SOD2: variants seen among roughly 807,000 people sequenced by gnomAD.
The protein encoded by SOD2 is superoxide dismutase [Mn], mitochondrial.
In SOD2, 11 loss-of-function variants were observed where a neutral mutation model predicts 27.0. The ratio of observed to expected loss-of-function variants is 0.41; its 90% CI spans 0.26 to 0.67. The LOEUF (loss-of-function observed/expected upper bound fraction) is 0.67. Among genes scored for constraint, SOD2 ranks in the 30% least tolerant of loss-of-function variants. SOD2 has a pLI of 0.34. For missense variants in SOD2, 250 were observed against 274.5 expected (o/e 0.91, Z 0.63); for synonymous variants, 105 against 103.0 (o/e 1.02, Z -0.12).
At position 159,708,352 on chromosome 6, in the gene SOD2, T is replaced by C. The variant is rs546647314; in HGVS notation, c.-115-15489A>G. 1.1e-4 allele frequency among the ~76,000 whole-genome samples: 16 copies of C among 152,336 alleles called. No individual in the cohort carries two copies. In the South Asian group the frequency reaches 2.9e-3, roughly 28 times the overall value. Reference sequence around the variant, plus strand: ...TTGTCCCTGTTTGCAGATGACACGATTGTGTATCTAGAAAACCCCATCATC... The same window carrying C: ...TTGTCCCTGTTTGCAGATGACACGACTGTGTATCTAGAAAACCCCATCATC... On this transcript the variant is annotated intron_variant, in intron 1 of 2. Coordinates refer to the SOD2 transcript ENST00000401980.
chr6:159,737,449 A>G (rs1043037860), intron 1 of SOD2, among the ~76,000 whole-genome samples: 2 of 152,146 alleles, frequency 1.3e-5, no homozygotes, highest in African/African-American at 4.8e-5. Context: ...AAGGAAAAAA[A>G]TTTAAGTGTC....
intron 1 of SOD2, among the ~76,000 whole-genome samples, chr6:159,758,665 G>A (rs1296298567): frequency 6.6e-6 from 1 of 152,106 alleles, no homozygotes; most frequent in Non-Finnish European, 1.5e-5. Flanking sequence ...CCCATCATGG[G>A]GTGGCTGTGC....
intron 1 of SOD2, among the ~76,000 whole-genome samples, chr6:159,698,774 G>C (rs1422186127): frequency 2.0e-5 from 3 of 151,676 alleles, no homozygotes; most frequent in Non-Finnish European, 4.4e-5. Context: ...TGAATATTGT[G>C]TTCTTAAAGT....
intron 1 of SOD2, among the ~76,000 whole-genome samples, chr6:159,704,725 C>T (rs945209761): frequency 6.6e-6 from 1 of 152,230 alleles, no homozygotes; most frequent in Admixed American, 6.5e-5. Context: ...CAAAAGGCAG[C>T]AGAAACCTCT....
At position 159,761,971 on chromosome 6, in the gene SOD2, TG is replaced by T. The variant is rs752271691; in HGVS notation, c.-1271del. 4.1e-5 allele frequency: 49 copies of T among 1,183,558 alleles called. No individual in the cohort carries two copies. In the African/African-American group the frequency reaches 6.1e-4, roughly 15 times the overall value. 73.3% of individuals were successfully genotyped at this position (1,183,558 alleles called of 1,614,324 possible). ...CGCGGGGAGGTGGTGCGCGGGGAGG[TG>T]GAGGGCGAGGGGCGGGGCTACCTCA... On this transcript the variant is annotated 5_prime_UTR_variant, in exon 1 of 8. Coordinates refer to the SOD2 transcript ENST00000546087.
At chr6:159,758,697 C>T (rs1453805989) in intron 1 of SOD2, among the ~76,000 whole-genome samples, 1 of 152,102 alleles carries the variant, frequency 6.6e-6, no homozygotes, top group African/African-American at 2.4e-5. Flanking sequence ...TGAGCTAGCC[C>T]CTAGTGGTAA....
intron 1 of SOD2, chr6:159,738,941 TTG>T (rs1204724112): frequency 2.8e-6 from 4 of 1,434,646 alleles, no homozygotes; most frequent in South Asian, 1.2e-5. Context: ...TTATAGAACT[TTG>T]TGTCTTCAGG....
At chr6:159,727,147 G>A (rs1027091075) in exon 1 of SOD2, 4 of 1,195,338 alleles carry the variant, frequency 3.3e-6, no homozygotes, top group East Asian at 6.0e-5. Context: ...CTGAGCTCCG[G>A]GGCCCGCGGA....
upstream of SOD2, among the ~76,000 whole-genome samples, chr6:159,747,441 GC>G (rs1370145198): frequency 6.6e-6 from 1 of 152,086 alleles, no homozygotes; most frequent in Non-Finnish European, 1.5e-5. Context: ...TTACTTTCCA[GC>G]TTTACAATTC....
chr6:159,688,105 G>C lies in SOD2; in HGVS notation c.343+21C>G, dbSNP rs185363292. ...CTACTGTGCACAAAATGTAGATAAG[G>C]GTGCACCAATATATACCAACCTTTG... On this transcript the variant is annotated intron_variant, in intron 3 of 4. Transcript: ENST00000538183. The C allele has an allele frequency of 2.7e-3, 3,274 of 1,225,540 alleles. 9 individuals are homozygous for C. Among genetic ancestry groups the C allele is most frequent in the Non-Finnish European group, 3.5e-3 (2,877 of 826,014 alleles). The allele number at this position is 1,225,540 out of a possible 1,614,324, so 75.9% of individuals were successfully genotyped here.
chr6:159,753,610 G>A, intron 1 of SOD2: 1 of 1,605,130 alleles, frequency 6.2e-7, no homozygotes, highest in African/African-American at 1.3e-5. Context: ...AAAGCAGTCA[G>A]GATGGTAAGG....
Position 159,742,139 on chromosome 6 carries a change from T to C in SOD2, c.-116+2991A>G, listed in dbSNP as rs747819552. ...AAGCTTTGGAGGGCAAGTACACAGA[T>C]CTTAACTGTAAGTTTGAGTTTTAGC... On this transcript the variant is annotated intron_variant, in intron 1 of 3. Transcript: ENST00000537657. 6.2e-6 allele frequency: 10 copies of C among 1,604,924 alleles called. No individual in the cohort carries two copies. The East Asian group carries it at 2.2e-4, about 36-fold the overall frequency.
upstream of SOD2, chr6:159,749,307 A>G (rs1779737168): frequency 1.0e-6 from 1 of 985,742 alleles, no homozygotes; most frequent in African/African-American, 1.7e-5. Context: ...TCCATTCAAC[A>G]GGCACATGTT....
Position 159,682,642 on chromosome 6 carries a change from T to G in SOD2, c.524-4A>C. 1 of 1,602,444 alleles carries G rather than the reference T, an allele frequency of 6.2e-7. No homozygotes were observed. Among genetic ancestry groups the G allele is most frequent in the Non-Finnish European group, 8.5e-7 (1 of 1,176,230 alleles). On this transcript the variant is annotated splice_region_variant and splice_polypyrimidine_tract_variant and intron_variant, in intron 4 of 4. Coordinates refer to ENST00000538183, the MANE Select transcript of SOD2 (RefSeq NM_000636.4). ...ATCCCCAGCAGTGGAATAAGGCCTG[T>G]TAGAAAGAAGGGGAAAACAAACCAA...
intron 1 of SOD2, among the ~76,000 whole-genome samples, chr6:159,756,692 C>A (rs182214512): frequency 1.4e-3 from 206 of 145,688 alleles, no homozygotes; most frequent in African/African-American, 5.0e-3. Flanking sequence ...GCCTCAAAGT[C>A]CTCGACTCAA....
chr6:159,762,026 G>C, exon 1 of SOD2: 1 of 1,591,600 alleles, frequency 6.3e-7, no homozygotes, highest in Non-Finnish European at 8.6e-7. Context: ...CCTGTGGGCT[G>C]CGAGGAGGAG....
chr6:159,731,030 C>T (rs1034783437), upstream of SOD2: 2 of 151,724 alleles, frequency 1.3e-5, no homozygotes, highest in Non-Finnish European at 2.9e-5. Context: ...AGTTCCAGCT[C>T]CTTGGGAGGC....
chr6:159,734,575 C>T (rs1778791110), intron 1 of SOD2, among the ~76,000 whole-genome samples: 1 of 152,104 alleles, frequency 6.6e-6, no homozygotes, highest in African/African-American at 2.4e-5. Flanking sequence ...ACTTGGGAGG[C>T]TGAGATGAGA....
rs1779654406 is a variant in SOD2 at position 159,671,310 on chromosome 6, G to GACCCCCGAGTAGCCTAACTGGGAGGC, written c.*11157_*11182dup. 1 of 152,522 alleles carries GACCCCCGAGTAGCCTAACTGGGAGGC rather than the reference G, an allele frequency of 6.6e-6. No individual in the cohort carries two copies. Among genetic ancestry groups the GACCCCCGAGTAGCCTAACTGGGAGGC allele is most frequent in the African/African-American group, 2.4e-5 (1 of 41,464 alleles). 9.4% of individuals were successfully genotyped at this position (152,522 alleles called of 1,614,324 possible). ...AGACTGCCTCCTCAAGTGAGTCCCT[G>GACCCCCGAGTAGCCTAACTGGGAGGC]ACCCCCGAGTAGCCTAACTGGGAGG... On this transcript the variant is annotated 3_prime_UTR_variant, in exon 5 of 5. Coordinates refer to ENST00000538183, the MANE Select transcript of SOD2 (RefSeq NM_000636.4).
Sources: allele counts gnomAD v4.1 joint callset (sites outside exome capture counted in the v4.1 genomes callset), GRCh38; gene constraint gnomAD v4.1.1; transcripts MANE v1.5; gene names NCBI Gene and HGNC (gene_info 2026-07-23, HGNC 2026-07-21).